The following KIR3DL1 variants were observed in gnomAD, a reference collection of about 807,000 sequenced individuals.
The protein encoded by KIR3DL1 is killer cell immunoglobulin like receptor, three Ig domains and long cytoplasmic tail 1.
In KIR3DL1, 50 loss-of-function variants were observed where a neutral mutation model predicts 40.3. The ratio of observed to expected loss-of-function variants is 1.24; its 90% CI spans 0.99 to 1.57. The LOEUF (loss-of-function observed/expected upper bound fraction) is 1.57. KIR3DL1 is among the 40% of genes most tolerant of loss of function. KIR3DL1 has a pLI of 0.00. For synonymous variants in KIR3DL1, 257 were observed against 207.2 expected (o/e 1.24, Z -2.07); for missense variants, 661 against 559.9 (o/e 1.18, Z -1.82).
chr19:54,829,041 A>G (rs1445986728), intron 6 of KIR3DL1, among the ~76,000 whole-genome samples: 2 of 142,910 alleles, frequency 1.4e-5, no homozygotes. Flanking sequence ...TTGGGACAGC[A>G]TTGATCTGTT....
chr19:54,829,866 C>A, intron 7 of KIR3DL1, 62 bp from the exon 8 acceptor site: 1 of 1,446,070 alleles, frequency 6.9e-7, no homozygotes, highest in Non-Finnish European at 9.4e-7. Context: ...TTGGTATCTG[C>A]TTATGAAATG....
At chr19:54,825,796 G>T (rs3826872) in intron 6 of KIR3DL1, among the ~76,000 whole-genome samples, 36,406 of 146,718 alleles carry the variant, frequency 0.25, 4,112 homozygotes, top group Non-Finnish European at 0.3. Context: ...ACTTGTCCCA[G>T]CTTCTAAAGG....
chr19:54,819,970 C>T lies in KIR3DL1; in HGVS notation c.613C>T (p.Gln205Ter), dbSNP rs201727627. The change falls in exon 4 of 9, where the codon CAG (glutamine) becomes TAG (stop). Residue 205 changes from glutamine to a stop codon, truncating the protein, a stop_gained. Coordinates refer to ENST00000391728, the Ensembl canonical transcript of KIR3DL1. LOFTEE classifies it high-confidence loss of function. ...CGGTTCTGTTACTCACACCCCCTATCAGTTGTCAGCTCCCAGTGATCCCCT... is the reference window on the plus strand; with the variant it reads ...CGGTTCTGTTACTCACACCCCCTATTAGTTGTCAGCTCCCAGTGATCCCCT... The T allele has an allele frequency of 9.3e-6, 15 of 1,611,386 alleles. No individual in the cohort carries two copies. The Admixed American group carries it at 2.5e-4, about 27-fold the overall frequency.
Position 54,818,612 on chromosome 19 carries a change from C to T in KIR3DL1, c.355+13C>T, listed in dbSNP as rs2061476623. On this transcript the variant is annotated intron_variant, in intron 3 of 8. Transcript: ENST00000391728. The stretch of plus-strand genomic sequence containing the variant: ...ATCATGGTCACAGGTCAGAGGCTTT[C>T]CGTCTGGGCTTCTCACTGTCCCACC... 1 of 1,603,112 alleles carries T rather than the reference C, an allele frequency of 6.2e-7. No homozygotes were observed. Among genetic ancestry groups the T allele is most frequent in the Non-Finnish European group, 8.5e-7 (1 of 1,177,860 alleles).
intron 5 of KIR3DL1, 36 bp downstream of exon 5, chr19:54,821,894 T>A: frequency 6.3e-7 from 1 of 1,582,370 alleles, no homozygotes. Flanking sequence ...TGTCCTATGA[T>A]CCTAAATCCT....
intron 1 of KIR3DL1, among the ~76,000 whole-genome samples, chr19:54,817,052 T>C (rs1266024424): frequency 4.2e-5 from 6 of 142,892 alleles, no homozygotes; most frequent in Non-Finnish European, 9.1e-5. Context: ...GATATGATCC[T>C]GGAGTGGAGA....
At chr19:54,823,419 G>T (rs1194362117) in intron 5 of KIR3DL1, among the ~76,000 whole-genome samples, 2 of 151,154 alleles carry the variant, frequency 1.3e-5, no homozygotes, top group East Asian at 1.9e-4. Flanking sequence ...GGGTACCAGG[G>T]TTCTCCTTTC....
At chr19:54,827,055 C>T (rs2061937407) in intron 6 of KIR3DL1, among the ~76,000 whole-genome samples, 1 of 151,506 alleles carries the variant, frequency 6.6e-6, no homozygotes, top group Admixed American at 6.6e-5. Flanking sequence ...AAGGCAATTG[C>T]CGCCCCACTG....
chr19:54,828,773 C>T (rs2062041916), intron 6 of KIR3DL1, among the ~76,000 whole-genome samples: 1 of 142,276 alleles, frequency 7.0e-6, no homozygotes, highest in African/African-American at 2.5e-5. Flanking sequence ...GCCTGGGTAA[C>T]TTCTAAAGAA....
At chr19:54,827,803 T>C (rs2061982090) in intron 6 of KIR3DL1, among the ~76,000 whole-genome samples, 1 of 150,424 alleles carries the variant, frequency 6.6e-6, no homozygotes, top group South Asian at 2.1e-4. Context: ...ATATAGAAAA[T>C]GTGAAAGCCC....
chr19:54,825,858 A>G (rs1243497466), intron 6 of KIR3DL1, among the ~76,000 whole-genome samples: 1 of 150,732 alleles, frequency 6.6e-6, no homozygotes, highest in Non-Finnish European at 1.5e-5. Flanking sequence ...AAGCCCACAA[A>G]GACTGGTCAC....
intron 5 of KIR3DL1, among the ~76,000 whole-genome samples, chr19:54,824,327 C>A (rs915510498): frequency 1.3e-5 from 2 of 151,308 alleles, no homozygotes; most frequent in Non-Finnish European, 2.9e-5. Context: ...TTCCCCACAC[C>A]ATTTATTGAA....
chr19:54,823,415 C>T lies in KIR3DL1; in HGVS notation c.949+1557C>T, dbSNP rs953332207. ...ATTTACATTCCTACCAACAGGGTAC[C>T]AGGGTTCTCCTTTCTCTACCATCTT... On this transcript the variant is annotated intron_variant, in intron 5 of 8. Coordinates refer to ENST00000391728, the Ensembl canonical transcript of KIR3DL1. 3.8e-4 allele frequency among the ~76,000 whole-genome samples: 58 copies of T among 151,356 alleles called. 2 individuals carry two copies. In the South Asian group the frequency reaches 0.011, roughly 29 times the overall value.
At chr19:54,830,256 A>T in exon 9 of KIR3DL1, 2 of 1,522,890 alleles carry the variant, frequency 1.3e-6, no homozygotes, top group Non-Finnish European at 1.8e-6. Context: ...CCCAGATCCA[A>T]AGTTGTCTCC....
chr19:54,819,865 CA>C lies in KIR3DL1; in HGVS notation c.509del (p.Gln170ArgfsTer16), dbSNP rs749880934. The C allele has an allele frequency of 6.8e-6, 11 of 1,612,210 alleles. 1 individual carries two copies. In the African/African-American group the frequency reaches 1.3e-4, roughly 20 times the overall value. On this transcript the variant is annotated frameshift_variant, in exon 4 of 9. Coordinates refer to ENST00000391728, the Ensembl canonical transcript of KIR3DL1. LOFTEE classifies it high-confidence loss of function. ...TAAGGACCCCTCACGCCTCGTTGGA[CA>C]GATCCATGATGGGGTCTCCAAGGCC...
rs1395969726 is a variant in KIR3DL1, at chr19:54,823,776, G to A, written c.950-1252G>A. On this transcript the variant is annotated intron_variant, in intron 5 of 8. Transcript: ENST00000391728. ...TGAAGTGCCGGAATTACAGGCGTGA[G>A]CCACCGGCCTAAAAGGCATTTTAAT... 4.6e-5 allele frequency among the ~76,000 whole-genome samples: 7 copies of A among 151,678 alleles called. No homozygotes were observed. In the East Asian group the frequency reaches 1.4e-3, roughly 29 times the overall value.
At position 54,824,707 on chromosome 19, in the gene KIR3DL1, A is replaced by G. The variant is rs2061797377; in HGVS notation, c.950-321A>G. ...ACACAAAAAAAGCCATTGGATGTAAATGCATGGATTATATCTGTGTTCTCC... is the reference window on the plus strand; with the variant it reads ...ACACAAAAAAAGCCATTGGATGTAAGTGCATGGATTATATCTGTGTTCTCC... On this transcript the variant is annotated intron_variant, in intron 5 of 8. Coordinates refer to ENST00000391728, the Ensembl canonical transcript of KIR3DL1. Among the ~76,000 whole-genome samples, 13 of 150,830 alleles carry G rather than the reference A, an allele frequency of 8.6e-5. 1 individual carries two copies. In the South Asian group the frequency reaches 2.8e-3, roughly 32 times the overall value.
At chr19:54,825,119 G>C in intron 6 of KIR3DL1, 41 bp downstream of exon 6, 2 of 1,333,442 alleles carry the variant, frequency 1.5e-6, no homozygotes, top group Non-Finnish European at 2.2e-6. Flanking sequence ...TTGGAAACCT[G>C]GGGAGGTGGA....
intron 6 of KIR3DL1, among the ~76,000 whole-genome samples, chr19:54,826,653 G>C (rs1327291941): frequency 2.3e-4 from 34 of 149,072 alleles, no homozygotes; most frequent in African/African-American, 8.6e-4. Context: ...AATGCTGAGT[G>C]TATAATTTTG....
Sources: allele counts gnomAD v4.1 joint callset (sites outside exome capture counted in the v4.1 genomes callset), GRCh38; gene constraint gnomAD v4.1.1; transcripts MANE v1.5; gene names NCBI Gene and HGNC (gene_info 2026-07-23, HGNC 2026-07-21).